Variants in HOMER2 observed in about 807,000 individuals in gnomAD.
The protein encoded by HOMER2 is homer scaffold protein 2.
In HOMER2, 27 loss-of-function variants were observed where a neutral mutation model predicts 47.0. That is an observed-to-expected ratio of 0.57 (90% confidence interval 0.42 to 0.79). The LOEUF (loss-of-function observed/expected upper bound fraction) is 0.79, where lower values mean the gene tolerates loss of function less well. Ranked by LOEUF, HOMER2 falls within the 30% of genes least tolerant of loss-of-function variation. HOMER2 has a pLI of 0.00. For missense variants in HOMER2, 443 were observed against 435.0 expected, an observed-to-expected ratio of 1.02 and a Z score of -0.16; for synonymous variants, 161 against 163.8, an observed-to-expected ratio of 0.98 and a Z score of 0.13.
In HOMER2 at chr15:82,852,223, C is replaced by A; in HGVS notation, c.681G>T (p.Glu227Asp). 6.2e-7 allele frequency: 1 copy of A among 1,613,938 alleles called. No homozygotes were observed. Among genetic ancestry groups the A allele is most frequent in the East Asian group, 2.2e-5 (1 of 44,896 alleles). Residue 227 changes from glutamate (E) to aspartate (D), a missense_variant, in exon 7 of 9, where the codon GAG (glutamate) becomes GAT (aspartate). Physicochemically the swap from Glu to Asp is conservative, Grantham distance 45. Coordinates refer to ENST00000450735, the MANE Select transcript of HOMER2 (RefSeq NM_004839.4). ...TGTTCTTCTCCTTCTCTCTGTTGAT[C>A]TCACTGCATTGTTCTTCCAGCTCAT... The part of the protein sequence containing the change: ...KIDELEEQCS[E>D]INREKEKNTQ...
intron 1 of HOMER2, among the ~76,000 whole-genome samples, chr15:82,934,915 C>T (rs2054108038): frequency 6.6e-6 from 1 of 152,242 alleles, no homozygotes; most frequent in African/African-American, 2.4e-5. Flanking sequence ...CTCACGCTCT[C>T]TGCTGACGAC....
chr15:82,936,771 T>A (rs2054151940), intron 1 of HOMER2, among the ~76,000 whole-genome samples: 1 of 151,776 alleles, frequency 6.6e-6, no homozygotes, highest in African/African-American at 2.4e-5. Flanking sequence ...GAGATGGGGT[T>A]TCTCCATGAA....
At chr15:82,947,628 T>C (rs1046698975) in intron 1 of HOMER2, among the ~76,000 whole-genome samples, 7 of 152,220 alleles carry the variant, frequency 4.6e-5, no homozygotes, top group African/African-American at 1.4e-4. Flanking sequence ...GAAAGCTAAA[T>C]GGCTTGCTTT....
Position 82,913,805 on chromosome 15 carries a change from G to C in HOMER2, c.6-20964C>G, listed in dbSNP as rs1176267563. Among the ~76,000 whole-genome samples, 4 of 152,254 alleles carry C rather than the reference G, an allele frequency of 2.6e-5. No homozygotes were observed. The highest frequency in any genetic ancestry group is 6.5e-5 in the Admixed American group (1 of 15,292). ...TGGTCATTTATTTAAAACGTGTACA[G>C]GGCTGTGGAAAACTGGTGCTTCCTC... is the stretch of plus-strand genomic sequence containing the variant. On this transcript the variant is annotated intron_variant, in intron 1 of 8. Transcript: ENST00000450735. The surrounding 1 kb of genome is among the most constrained non-coding windows in gnomAD (Gnocchi z 4.1).
downstream of HOMER2, chr15:82,834,664 T>C (rs2051103074): frequency 6.5e-6 from 1 of 152,676 alleles, no homozygotes; most frequent in Admixed American, 6.5e-5. Flanking sequence ...TCAGGAGTTA[T>C]TTTAAATATT....
chr15:82,955,763 G>A (rs1045817661), upstream of HOMER2, among the ~76,000 whole-genome samples: 5 of 152,136 alleles, frequency 3.3e-5, no homozygotes, highest in African/African-American at 1.2e-4. Flanking sequence ...TGTGTATCTG[G>A]TACTGTGTTG....
chr15:82,913,010 A>G lies in HOMER2; in HGVS notation c.6-20169T>C, dbSNP rs1427294433. On this transcript the variant is annotated intron_variant, in intron 1 of 8. Transcript: ENST00000450735. The surrounding 1 kb of genome is among the most constrained non-coding windows in gnomAD (Gnocchi z 4.1). ...CAGGAAAATTTTAAATAATGCTCTT[A>G]GAAATACTGAAAACACAGAAAACTG... Among the ~76,000 whole-genome samples the G allele has an allele frequency of 6.6e-6, 1 of 152,248 alleles. No homozygotes were observed. Among genetic ancestry groups the G allele is most frequent in the Non-Finnish European group, 1.5e-5 (1 of 68,042 alleles).
At chr15:82,967,053 C>T (rs564573538) in intron 1 of HOMER2, among the ~76,000 whole-genome samples, 3 of 152,246 alleles carry the variant, frequency 2.0e-5, no homozygotes, top group African/African-American at 7.2e-5. Context: ...AGTTCAACAA[C>T]AGCCTGAGCA....
chr15:82,933,182 A>C (rs2054058528), intron 1 of HOMER2, among the ~76,000 whole-genome samples: 1 of 151,686 alleles, frequency 6.6e-6, no homozygotes, highest in African/African-American at 2.4e-5. Context: ...CTTATCTACA[A>C]CTCTCCATAG....
intron 3 of HOMER2, among the ~76,000 whole-genome samples, chr15:82,873,700 G>A (rs923809113): frequency 4.6e-5 from 7 of 152,198 alleles, no homozygotes; most frequent in Admixed American, 6.5e-5. Context: ...GTAAGAGGGC[G>A]GCACAAGGGT....
At chr15:82,916,172 T>C (rs2053583249) in intron 1 of HOMER2, among the ~76,000 whole-genome samples, 1 of 152,220 alleles carries the variant, frequency 6.6e-6, no homozygotes, top group Admixed American at 6.5e-5. Context: ...AAAGAATTCA[T>C]GGGTTCCAGA....
intron 1 of HOMER2, among the ~76,000 whole-genome samples, chr15:82,945,766 C>A (rs559349516): frequency 2.6e-5 from 4 of 151,904 alleles, no homozygotes; most frequent in Admixed American, 1.3e-4. Flanking sequence ...GTCAGGAGAT[C>A]GAGACCATCC....
chr15:82,879,906 G>GAA (rs1285814079), intron 2 of HOMER2, among the ~76,000 whole-genome samples: 1 of 151,960 alleles, frequency 6.6e-6, no homozygotes, highest in Non-Finnish European at 1.5e-5. Flanking sequence ...TCCATACAAT[G>GAA]AAATACTAAT....
chr15:82,859,327 A>G (rs2051698223), intron 4 of HOMER2, 192 bp from the exon 5 acceptor site: 1 of 729,332 alleles, frequency 1.4e-6, no homozygotes, highest in South Asian at 1.8e-5. Flanking sequence ...ACAAACAAAC[A>G]AACAAAAAAG....
At chr15:82,934,581 C>T (rs1165052036) in intron 1 of HOMER2, among the ~76,000 whole-genome samples, 1 of 152,182 alleles carries the variant, frequency 6.6e-6, no homozygotes, top group Non-Finnish European at 1.5e-5. Flanking sequence ...CCAGCCACCT[C>T]CCGGCCTCCC....
intron 1 of HOMER2, among the ~76,000 whole-genome samples, chr15:82,938,677 G>A (rs756511409): frequency 2.0e-5 from 3 of 151,998 alleles, no homozygotes; most frequent in African/African-American, 4.8e-5. Context: ...TTCTCCACCC[G>A]CTCCTCACAT....
chr15:82,956,322 G>A (rs1439668075), upstream of HOMER2, among the ~76,000 whole-genome samples: 1 of 151,912 alleles, frequency 6.6e-6, no homozygotes, highest in East Asian at 1.9e-4. Context: ...CCAAGCAGAG[G>A]AAACTGCAAC....
At chr15:82,980,148 TG>T (rs1168188151) in intron 1 of HOMER2, among the ~76,000 whole-genome samples, 8 of 151,126 alleles carry the variant, frequency 5.3e-5, no homozygotes, top group Non-Finnish European at 1.0e-4. Context: ...CTGTACATCA[TG>T]TTTTTTTGTT....
intron 1 of HOMER2, among the ~76,000 whole-genome samples, chr15:82,938,193 G>A (rs1404032554): frequency 1.3e-5 from 2 of 152,088 alleles, no homozygotes; most frequent in African/African-American, 2.4e-5. Flanking sequence ...CCAACATGGC[G>A]AAACCCCGTC....
Sources: gnomAD v4.1 joint callset for allele counts (sites outside exome capture counted in the v4.1 genomes callset) on GRCh38, gnomAD v4.1.1 for gene constraint, Gnocchi (gnomAD v3.1) non-coding constraint, MANE v1.5 for transcripts, NCBI Gene and HGNC (gene_info 2026-07-23, HGNC 2026-07-21) for gene names.